The following ZNG1A variants were observed in gnomAD, a reference collection of about 807,000 sequenced individuals.
The protein encoded by ZNG1A is Zn regulated GTPase metalloprotein activator 1A.
chr9:166,377 G>C, the ZNG1A span: 3 of 150,068 alleles, frequency 2.0e-5, no homozygotes, highest in East Asian at 1.9e-4. Context: ...AAGGAGAGTG[G>C]AGTATTAAAA....
At chr9:145,093 T>C in the ZNG1A span, among the ~76,000 whole-genome samples, 2 of 146,028 alleles carry the variant, frequency 1.4e-5, no homozygotes, top group Non-Finnish European at 3.0e-5. Context: ...TTTTACACTG[T>C]TGGTGGGACT....
chr9:141,625 T>G, the ZNG1A span, among the ~76,000 whole-genome samples: 1 of 149,068 alleles, frequency 6.7e-6, no homozygotes, highest in Non-Finnish European at 1.5e-5. Flanking sequence ...AGGAAGAAAC[T>G]GCATCAACTA....
chr9:139,068 G>A, the ZNG1A span, among the ~76,000 whole-genome samples: 110 of 148,254 alleles, frequency 7.4e-4, 1 homozygote, highest in African/African-American at 2.8e-3. Context: ...CGAGACTTAC[G>A]AGATATTCAC....
At chr9:163,804 C>A in the ZNG1A span, among the ~76,000 whole-genome samples, 1 of 151,666 alleles carries the variant, frequency 6.6e-6, no homozygotes, top group African/African-American at 2.4e-5. Context: ...GTAGTCCCAG[C>A]TACTCGGGAG....
At chr9:121,578 AAAC>A in the ZNG1A span, 1 of 1,604,180 alleles carries the variant, frequency 6.2e-7, no homozygotes, top group East Asian at 2.2e-5. Context: ...TTCTGCCTGC[AAAC>A]AAAACAAAAT....
At chr9:177,875 A>G in the ZNG1A span, 14 of 1,465,588 alleles carry the variant, frequency 9.6e-6, no homozygotes, top group Admixed American at 1.8e-4. Flanking sequence ...CGAGCAAAAA[A>G]CGGGAATAAA....
the ZNG1A span, chr9:153,899 T>C: frequency 6.6e-6 from 1 of 152,114 alleles, no homozygotes; most frequent in South Asian, 2.1e-4. Context: ...ACATTAAAGA[T>C]AACCAATACT....
chr9:122,249 C>A, the ZNG1A span: 1 of 1,432,544 alleles, frequency 7.0e-7, no homozygotes, highest in South Asian at 1.5e-5. Context: ...TTGTGAATTA[C>A]AAGAAGTTTC....
the ZNG1A span, chr9:156,548 A>G: frequency 3.8e-6 from 6 of 1,595,252 alleles, no homozygotes; most frequent in African/African-American, 8.0e-5. Flanking sequence ...AAAAGTTGGA[A>G]TAAAGTTACT....
the ZNG1A span, among the ~76,000 whole-genome samples, chr9:160,996 A>C: frequency 6.6e-6 from 1 of 150,810 alleles, no homozygotes; most frequent in Non-Finnish European, 1.5e-5. Context: ...TAAATTCATA[A>C]ATTGAGATTT....
At chr9:177,589 A>C in the ZNG1A span, 1 of 1,512,852 alleles carries the variant, frequency 6.6e-7, no homozygotes, top group African/African-American at 1.4e-5. Flanking sequence ...TAGAAGCCAA[A>C]AGAACAGCGT....
At chr9:173,752 A>C in the ZNG1A span, among the ~76,000 whole-genome samples, 2 of 152,126 alleles carry the variant, frequency 1.3e-5, no homozygotes, top group East Asian at 3.9e-4. Context: ...ACCTCTTAAG[A>C]GACTGCCTTA....
the ZNG1A span, chr9:149,478 G>C: frequency 6.6e-6 from 1 of 151,958 alleles, no homozygotes; most frequent in African/African-American, 2.4e-5. Flanking sequence ...TCAGGTCAAT[G>C]ACTGTCTTCT....
At chr9:130,052 T>C in the ZNG1A span, among the ~76,000 whole-genome samples, 1 of 151,354 alleles carries the variant, frequency 6.6e-6, no homozygotes, top group East Asian at 1.9e-4. Context: ...TGGTAAGTAT[T>C]TGCGTGACAG....
chr9:141,753 G>A, the ZNG1A span, among the ~76,000 whole-genome samples: 83 of 151,882 alleles, frequency 5.5e-4, no homozygotes, highest in Non-Finnish European at 1.0e-3. Flanking sequence ...TGGCAAATTG[G>A]ATAAAGAGTC....
At chr9:142,691 T>C in the ZNG1A span, among the ~76,000 whole-genome samples, 3 of 131,394 alleles carry the variant, frequency 2.3e-5, no homozygotes, top group African/African-American at 9.2e-5. Context: ...ATAACTAAAA[T>C]CAGAGCAGAA....
the ZNG1A span, chr9:166,414 G>A: frequency 6.6e-6 from 1 of 151,488 alleles, no homozygotes; most frequent in East Asian, 1.9e-4. Context: ...CCACATAGAA[G>A]TTCTCCCACA....
the ZNG1A span, among the ~76,000 whole-genome samples, chr9:159,329 C>T: frequency 0.88 from 122,780 of 139,252 alleles, 54,224 homozygotes; most frequent in East Asian, 1. Context: ...ATACAAAGTT[C>T]GTTATACAAG....
At chr9:125,003 T>C in the ZNG1A span, among the ~76,000 whole-genome samples, 1 of 152,370 alleles carries the variant, frequency 6.6e-6, no homozygotes, top group South Asian at 2.1e-4. Flanking sequence ...TTGCCAATTG[T>C]GCTGCTATAA....
Sources: gnomAD v4.1 joint callset for allele counts (sites outside exome capture counted in the v4.1 genomes callset) on GRCh38, gnomAD v4.1.1 for gene constraint, MANE v1.5 for transcripts, NCBI Gene and HGNC (gene_info 2026-07-23, HGNC 2026-07-21) for gene names.